HCRTR2: variants seen among roughly 807,000 people sequenced by gnomAD.
HCRTR2 encodes orexin receptor type 2.
In HCRTR2, 22 loss-of-function variants were observed where a neutral mutation model predicts 49.0. The observed-to-expected ratio is 0.45, with a 90% CI of 0.32 to 0.64. The LOEUF (loss-of-function observed/expected upper bound fraction) is 0.64, where lower values mean the gene tolerates loss of function less well. Ranked by LOEUF, HCRTR2 falls within the 30% of genes least tolerant of loss-of-function variation. The pLI is 0.04. For synonymous variants in HCRTR2, 236 were observed against 205.3 expected (o/e 1.15, Z -1.28); for missense variants, 491 against 559.4 (o/e 0.88, Z 1.23).
intron 1 of HCRTR2, among the ~76,000 whole-genome samples, chr6:55,132,765 T>A (rs947783033): frequency 6.9e-6 from 1 of 144,670 alleles, no homozygotes; most frequent in Non-Finnish European, 1.5e-5. Context: ...TTTTTTTTTT[T>A]TCGCTGAAAA....
intron 1 of HCRTR2, among the ~76,000 whole-genome samples, chr6:55,241,825 T>G (rs1766337782): frequency 6.6e-6 from 1 of 151,488 alleles, no homozygotes; most frequent in Non-Finnish European, 1.5e-5. Context: ...TCAAAGTGTG[T>G]TTCACATTTT....
chr6:55,212,757 C>A (rs1046287336), intron 1 of HCRTR2, among the ~76,000 whole-genome samples: 1 of 152,120 alleles, frequency 6.6e-6, no homozygotes, highest in African/African-American at 2.4e-5. Flanking sequence ...TCTTAAATAA[C>A]TAGTGTCTTT....
At chr6:55,169,389 A>G (rs1489169888) in intron 1 of HCRTR2, among the ~76,000 whole-genome samples, 1 of 151,622 alleles carries the variant, frequency 6.6e-6, no homozygotes, top group Non-Finnish European at 1.5e-5. Context: ...AGAGAGACAG[A>G]AATGTTTGTG....
intron 4 of HCRTR2, among the ~76,000 whole-genome samples, chr6:55,273,495 A>G (rs1475268544): frequency 6.6e-6 from 1 of 151,870 alleles, no homozygotes; most frequent in Non-Finnish European, 1.5e-5. Flanking sequence ...AAAATTCTCG[A>G]CTTATTTCCA....
intron 1 of HCRTR2, among the ~76,000 whole-genome samples, chr6:55,212,552 C>G (rs1765715066): frequency 6.6e-6 from 1 of 152,104 alleles, no homozygotes; most frequent in Non-Finnish European, 1.5e-5. Flanking sequence ...GGAGAAGATT[C>G]TTTTGGGCCT....
chr6:55,145,859 C>G (rs1019250528), intron 1 of HCRTR2, among the ~76,000 whole-genome samples: 1 of 152,022 alleles, frequency 6.6e-6, no homozygotes. Flanking sequence ...TCTCTTGGAG[C>G]TCTCTTTCCC....
intron 1 of HCRTR2, among the ~76,000 whole-genome samples, chr6:55,183,760 T>C (rs1765171087): frequency 6.6e-6 from 1 of 152,032 alleles, no homozygotes; most frequent in South Asian, 2.1e-4. Context: ...AGATAATTAC[T>C]TCCAGGAGGC....
At chr6:55,144,444 T>C (rs1348704821) in intron 1 of HCRTR2, among the ~76,000 whole-genome samples, 1 of 152,102 alleles carries the variant, frequency 6.6e-6, no homozygotes, top group Non-Finnish European at 1.5e-5. Flanking sequence ...TTCTGCAGAC[T>C]CATCTTCTAC....
At chr6:55,225,448 A>G (rs1350049269) in intron 1 of HCRTR2, among the ~76,000 whole-genome samples, 1 of 152,132 alleles carries the variant, frequency 6.6e-6, no homozygotes, top group Non-Finnish European at 1.5e-5. Flanking sequence ...GCTTTCTCAG[A>G]CCATATGGTG....
intron 1 of HCRTR2, among the ~76,000 whole-genome samples, chr6:55,230,054 C>G (rs1304046077): frequency 2.0e-5 from 3 of 152,222 alleles, no homozygotes; most frequent in Non-Finnish European, 4.4e-5. Context: ...GTACCTGGAG[C>G]TCTCTGACTG....
intron 1 of HCRTR2, among the ~76,000 whole-genome samples, chr6:55,112,710 T>C (rs977354645): frequency 6.6e-6 from 1 of 151,922 alleles, no homozygotes; most frequent in Non-Finnish European, 1.5e-5. Context: ...AAAATGACAA[T>C]ACTGCAAAAG....
chr6:55,276,115 A>C (rs1015575018), intron 4 of HCRTR2, among the ~76,000 whole-genome samples: 1 of 152,202 alleles, frequency 6.6e-6, no homozygotes, highest in Non-Finnish European at 1.5e-5. Context: ...GAAAGTTCCT[A>C]TCTCTCCCCA....
chr6:55,212,854 C>A (rs1484915436), intron 1 of HCRTR2, among the ~76,000 whole-genome samples: 2 of 152,128 alleles, frequency 1.3e-5, no homozygotes, highest in Non-Finnish European at 2.9e-5. Context: ...ATGCATCTGA[C>A]AAATGGCCAT....
At chr6:55,244,204 A>G (rs963771102) in intron 1 of HCRTR2, among the ~76,000 whole-genome samples, 1 of 152,090 alleles carries the variant, frequency 6.6e-6, no homozygotes, top group Non-Finnish European at 1.5e-5. Flanking sequence ...TGTCCAGGAG[A>G]AAAGAGAGCT....
intron 1 of HCRTR2, among the ~76,000 whole-genome samples, chr6:55,189,220 C>T (rs1006525758): frequency 3.9e-5 from 6 of 152,034 alleles, no homozygotes; most frequent in South Asian, 4.1e-4. Flanking sequence ...TTTAAAATGA[C>T]TTGTGTTATA....
chr6:55,137,799 T>C (rs1764453020), intron 1 of HCRTR2, among the ~76,000 whole-genome samples: 1 of 152,214 alleles, frequency 6.6e-6, no homozygotes, highest in African/African-American at 2.4e-5. Context: ...TGTGATAGTT[T>C]TTATGAAAGC....
chr6:55,140,687 G>A (rs1764494071), intron 1 of HCRTR2, among the ~76,000 whole-genome samples: 1 of 151,978 alleles, frequency 6.6e-6, no homozygotes, highest in Non-Finnish European at 1.5e-5. Flanking sequence ...CAAAATGAAA[G>A]ATCTAACATC....
chr6:55,121,955 T>C (rs1043704072), intron 1 of HCRTR2, among the ~76,000 whole-genome samples: 1 of 152,178 alleles, frequency 6.6e-6, no homozygotes, highest in African/African-American at 2.4e-5. Flanking sequence ...CAAGTTTTGG[T>C]ATCAGGATGA....
intron 2 of HCRTR2, among the ~76,000 whole-genome samples, chr6:55,249,581 A>G (rs1766509613): frequency 6.6e-6 from 1 of 152,166 alleles, no homozygotes; most frequent in Non-Finnish European, 1.5e-5. Context: ...AAAACAGTAT[A>G]TTCTCAATAA....
Sources: gnomAD v4.1 joint callset for allele counts (sites outside exome capture counted in the v4.1 genomes callset) on GRCh38, gnomAD v4.1.1 for gene constraint, MANE v1.5 for transcripts, NCBI Gene and HGNC (gene_info 2026-07-23, HGNC 2026-07-21) for gene names.